The following TOMM70 variants were observed in gnomAD, a reference collection of about 807,000 sequenced individuals.
The protein encoded by TOMM70 is mitochondrial import receptor subunit TOM70.
A neutral mutation model predicts 73.6 loss-of-function variants in TOMM70; 13 were observed. The observed-to-expected ratio is 0.18, with a 90% confidence interval of 0.11 to 0.28. The LOEUF is 0.28. Ranked by LOEUF, TOMM70 falls within the 10% of genes least tolerant of loss-of-function variation. The probability of loss-of-function intolerance (pLI) is 1.00; values close to 1 mark genes in which losing one functional copy is unlikely to be tolerated. For synonymous variants in TOMM70, 257 were observed against 271.2 expected (o/e 0.95, Z 0.51); for missense variants, 609 against 747.5 (o/e 0.81, Z 2.16).
At chr3:100,387,113 T>G (rs1706700383) in intron 1 of TOMM70, 135 bp from the exon 2 acceptor site, 2 of 876,398 alleles carry the variant, frequency 2.3e-6, no homozygotes, top group South Asian at 1.7e-5. Context: ...TACAAATATC[T>G]TCATGGAATA....
intron 1 of TOMM70, among the ~76,000 whole-genome samples, chr3:100,387,903 G>A (rs1706713363): frequency 6.6e-6 from 1 of 152,140 alleles, no homozygotes; most frequent in African/African-American, 2.4e-5. Flanking sequence ...CAAAAAGGCT[G>A]CAGTACTTTA....
intron 1 of TOMM70, among the ~76,000 whole-genome samples, chr3:100,399,074 G>C (rs1436314927): frequency 6.6e-6 from 1 of 152,134 alleles, no homozygotes; most frequent in Non-Finnish European, 1.5e-5. Context: ...CTGAGGTCAG[G>C]AGTTCAAGAC....
chr3:100,366,432 A>G (rs1253438349), intron 11 of TOMM70, among the ~76,000 whole-genome samples: 1 of 152,250 alleles, frequency 6.6e-6, no homozygotes, highest in Non-Finnish European at 1.5e-5. Flanking sequence ...CTGCATATAC[A>G]GAGTCTAACT....
chr3:100,372,691 G>A lies in TOMM70; in HGVS notation c.1367C>T (p.Ser456Leu), dbSNP rs374048296. 182 of 1,613,976 alleles carry A rather than the reference G, an allele frequency of 1.1e-4. No homozygotes were observed. The Middle Eastern group carries it at 1.5e-3, about 13-fold the overall frequency. ...ACCTTTCATAGCTGCTTGGATTTGT[G>A]AAGAGTTGTTTCCCGTATATGCCTG... The part of the protein sequence containing the change: ...YRQAYTGNNS[S>L]QIQAAMKGFE... Residue 456 changes from serine (S) to leucine (L), a missense_variant, in exon 9 of 12, where the codon TCA becomes TTA. By Grantham distance (145) the Ser-to-Leu change is moderately radical (BLOSUM62 -2). This residue lies in a region of TOMM70 where 432 missense variants were observed against 584.1 expected (regional missense o/e 0.74). Transcript: ENST00000284320.
At chr3:100,366,167 C>T (rs1706445667) in intron 11 of TOMM70, among the ~76,000 whole-genome samples, 1 of 152,186 alleles carries the variant, frequency 6.6e-6, no homozygotes, top group Non-Finnish European at 1.5e-5. Context: ...GCCTTACCTT[C>T]ACAGACTGAT....
At chr3:100,394,373 T>G (rs1474066851) in intron 1 of TOMM70, among the ~76,000 whole-genome samples, 1 of 151,840 alleles carries the variant, frequency 6.6e-6, no homozygotes, top group African/African-American at 2.4e-5. Context: ...TTCTTTTTTT[T>G]TTTTTGAGAT....
At chr3:100,368,314 T>G (rs1173784828) in intron 10 of TOMM70, 148 bp from the exon 11 acceptor site, 6 of 1,011,258 alleles carry the variant, frequency 5.9e-6, no homozygotes, top group South Asian at 2.2e-5. Flanking sequence ...TCAAATTGTG[T>G]TTTTTTTCTC....
At chr3:100,378,009 G>A (rs1440156734) in intron 5 of TOMM70, 97 bp from the exon 6 acceptor site, 2 of 999,316 alleles carry the variant, frequency 2.0e-6, no homozygotes, top group Admixed American at 2.3e-5. Flanking sequence ...CACTTTGGGA[G>A]GCCGAGGTGG....
chr3:100,376,900 A>G lies in TOMM70; in HGVS notation c.1092+805T>C, dbSNP rs372823043. ...ATTATAACAAAAACATATAACATAT[A>G]TCAGTTGTAATCATCAGGAAAATCA... is the stretch of plus-strand genomic sequence containing the variant. On this transcript the variant is annotated intron_variant, in intron 6 of 11. Transcript: ENST00000284320. 3.0e-4 allele frequency among the ~76,000 whole-genome samples: 46 copies of G among 152,352 alleles called. 1 individual carries two copies. In the South Asian group the frequency reaches 9.5e-3, roughly 32 times the overall value.
Position 100,400,977 on chromosome 3 carries a change from T to C in TOMM70, c.-28A>G, listed in dbSNP as rs1576221859. On this transcript the variant is annotated 5_prime_UTR_variant, in exon 1 of 12. Transcript: ENST00000284320. ...CAAGTGTCCTCTGCCACCGCCTCCC[T>C]GTCTGTCGCGAGCGCCACAATCACC... 1 of 1,524,764 alleles carries C rather than the reference T, an allele frequency of 6.6e-7. No individual in the cohort carries two copies. The highest frequency in any genetic ancestry group is 1.2e-5 in the South Asian group (1 of 83,466). 94.5% of individuals were successfully genotyped at this position (1,524,764 alleles called of 1,614,324 possible).
At chr3:100,369,016 G>T in intron 10 of TOMM70, 22 bp downstream of exon 10, 2 of 1,530,482 alleles carry the variant, frequency 1.3e-6, no homozygotes, top group Non-Finnish European at 9.0e-7. Flanking sequence ...TATCTCATTG[G>T]AACAATCACA....
chr3:100,397,573 T>C (rs910613327), intron 1 of TOMM70, among the ~76,000 whole-genome samples: 2 of 152,230 alleles, frequency 1.3e-5, no homozygotes, highest in Non-Finnish European at 2.9e-5. Flanking sequence ...AAATTCTAAT[T>C]TTTAACAGCA....
At position 100,401,027 on chromosome 3, in the gene TOMM70, G is replaced by C. The variant is rs1706896494; in HGVS notation, c.-78C>G. The C allele has an allele frequency of 4.2e-6, 6 of 1,415,492 alleles. No homozygotes were observed. Among genetic ancestry groups the C allele is most frequent in the Non-Finnish European group, 5.7e-6 (6 of 1,046,254 alleles). The allele number at this position is 1,415,492 out of a possible 1,614,324, so 87.7% of individuals were successfully genotyped here. On this transcript the variant is annotated 5_prime_UTR_variant, in exon 1 of 12. Transcript: ENST00000284320. ...CAAACAGCGTGCGAAGGAAGACCGAGGGAGGGAAGGAAAGCAATGAGCGAG... is the reference window on the plus strand; with the variant it reads ...CAAACAGCGTGCGAAGGAAGACCGACGGAGGGAAGGAAAGCAATGAGCGAG...
chr3:100,394,383 T>C (rs1448196512), intron 1 of TOMM70, among the ~76,000 whole-genome samples: 3 of 151,726 alleles, frequency 2.0e-5, no homozygotes, highest in African/African-American at 7.3e-5. Flanking sequence ...TTTTTTGAGA[T>C]AGAGTTTTGC....
At chr3:100,367,174 G>T (rs1030229379) in intron 11 of TOMM70, among the ~76,000 whole-genome samples, 4 of 152,102 alleles carry the variant, frequency 2.6e-5, no homozygotes, top group African/African-American at 4.8e-5. Flanking sequence ...AGTCAAGATT[G>T]TGCCACTGTA....
Position 100,367,923 on chromosome 3 carries a change from C to T in TOMM70, c.1673+121G>A, listed in dbSNP as rs912473426. On this transcript the variant is annotated intron_variant, in intron 11 of 11. Coordinates refer to ENST00000284320, the MANE Select transcript of TOMM70 (RefSeq NM_014820.5). ...TGCCTTAGCACATTTTTTTTTCCAACGTGAATAATACAGGTGAAAAGAGGA... is the reference window on the plus strand; with the variant it reads ...TGCCTTAGCACATTTTTTTTTCCAATGTGAATAATACAGGTGAAAAGAGGA... 25 of 1,086,088 alleles carry T rather than the reference C, an allele frequency of 2.3e-5. 1 individual carries two copies. The highest frequency in any genetic ancestry group is 3.0e-5 in the Non-Finnish European group (24 of 811,494). The allele number at this position is 1,086,088 out of a possible 1,614,324, so 67.3% of individuals were successfully genotyped here.
Position 100,365,309 on chromosome 3 carries a change from T to G in TOMM70, c.*255A>C, listed in dbSNP as rs1018231243. 2.4e-6 allele frequency: 1 copy of G among 424,224 alleles called. No individual in the cohort carries two copies. 26.3% of individuals were successfully genotyped at this position (424,224 alleles called of 1,614,324 possible). ...CATGGCCAATTATCATTTGTACTCTTTGCAACTTTATTTAAAAATCCCTTT... is the reference window on the plus strand; with the variant it reads ...CATGGCCAATTATCATTTGTACTCTGTGCAACTTTATTTAAAAATCCCTTT... On this transcript the variant is annotated 3_prime_UTR_variant, in exon 12 of 12. Transcript: ENST00000284320.
chr3:100,368,354 C>T (rs1706469765), intron 10 of TOMM70, among the ~76,000 whole-genome samples, 188 bp from the exon 11 acceptor site: 1 of 152,034 alleles, frequency 6.6e-6, no homozygotes, highest in Non-Finnish European at 1.5e-5. Flanking sequence ...GTCTAAGTTC[C>T]TTATTACAAA....
intron 5 of TOMM70, among the ~76,000 whole-genome samples, chr3:100,379,835 T>C (rs1706610100): frequency 6.6e-6 from 1 of 152,044 alleles, no homozygotes; most frequent in Non-Finnish European, 1.5e-5. Flanking sequence ...CCCAGGCTAG[T>C]CTCAAACTCC....
Sources: allele counts gnomAD v4.1 joint callset (sites outside exome capture counted in the v4.1 genomes callset), GRCh38; gene constraint gnomAD v4.1.1; regional missense constraint gnomAD v4.1.1; transcripts MANE v1.5; gene names NCBI Gene and HGNC (gene_info 2026-07-23, HGNC 2026-07-21).